Variants in FAAH2 observed in about 807,000 individuals in gnomAD.
FAAH2 encodes fatty-acid amide hydrolase 2.
A neutral mutation model predicts 36.9 loss-of-function variants in FAAH2; 60 were observed. The ratio of observed to expected loss-of-function variants is 1.63; its 90% CI spans 1.32 to 2.02. FAAH2 has a LOEUF of 2.02. FAAH2 is among the 30% of genes most tolerant of loss of function. The pLI is 0.00. For synonymous variants in FAAH2, 214 were observed against 143.8 expected (o/e 1.49, Z -3.49); for missense variants, 689 against 397.5 (o/e 1.73, Z -6.23).
the FAAH2 span, among the ~76,000 whole-genome samples, chrX:57,138,933 T>C: frequency 8.9e-6 from 1 of 112,327 alleles, no homozygotes; most frequent in Non-Finnish European, 1.9e-5. Context: ...TATTGAGTTG[T>C]TGGAATTTCT....
At chrX:57,423,187 C>T (rs749727505) in intron 7 of FAAH2, among the ~76,000 whole-genome samples, 5 of 112,072 alleles carry the variant, frequency 4.5e-5, no homozygotes, top group Non-Finnish European at 9.4e-5. Context: ...ATTTCTAATC[C>T]TAACTCATAG....
chrX:57,462,213 G>C (rs972822729), intron 10 of FAAH2, among the ~76,000 whole-genome samples: 2 of 105,240 alleles, frequency 1.9e-5, no homozygotes, highest in African/African-American at 6.9e-5. Context: ...ATTCACATGA[G>C]GATTCTACCA....
intron 10 of FAAH2, among the ~76,000 whole-genome samples, chrX:57,465,064 A>G (rs975081703): frequency 4.5e-5 from 5 of 111,843 alleles, no homozygotes; most frequent in African/African-American, 1.6e-4. Flanking sequence ...TTGAAAGAAA[A>G]AGCAAATAGA....
chrX:57,472,573 G>C (rs1199710972), intron 10 of FAAH2, among the ~76,000 whole-genome samples: 1 of 111,435 alleles, frequency 9.0e-6, no homozygotes, highest in Non-Finnish European at 1.9e-5. Flanking sequence ...CTGTACATCT[G>C]GCAAAACCTG....
chrX:57,142,923 T>A, the FAAH2 span, among the ~76,000 whole-genome samples: 1 of 111,789 alleles, frequency 8.9e-6, no homozygotes, highest in Non-Finnish European at 1.9e-5. Context: ...AGTATAGTTA[T>A]TCCTGCTCTA....
At position 57,286,845 on chromosome X, in the gene FAAH2, C is replaced by T. The variant is rs762954694; in HGVS notation, c.20C>T (p.Ala7Val). 2 of 1,183,127 alleles carry T rather than the reference C, an allele frequency of 1.7e-6. No homozygotes were observed. The highest frequency in any genetic ancestry group is 2.3e-6 in the Non-Finnish European group (2 of 880,026). ...GCTGCGATGGCACCTTCATTTACCG[C>T]CCGCATTCAGTTGTTCCTCTTGCGG... is the stretch of plus-strand genomic sequence containing the variant. MAPSFTARIQLFLLRAL... is the reference protein window; with the variant it reads MAPSFTVRIQLFLLRAL... Residue 7 changes from alanine (A) to valine (V), a missense_variant, in exon 1 of 11, where the codon GCC becomes GTC. Coordinates refer to ENST00000374900, the MANE Select transcript of FAAH2 (RefSeq NM_174912.4).
the FAAH2 span, among the ~76,000 whole-genome samples, chrX:57,178,034 G>A: frequency 9.0e-6 from 1 of 111,420 alleles, no homozygotes; most frequent in African/African-American, 3.3e-5. Flanking sequence ...ACCCAGTGGG[G>A]CTGCCACACT....
chrX:57,308,610 T>C (rs1402175684), intron 2 of FAAH2, among the ~76,000 whole-genome samples: 4 of 111,968 alleles, frequency 3.6e-5, no homozygotes, highest in Non-Finnish European at 7.5e-5. Flanking sequence ...AGTGTCAGGA[T>C]TAACTGACTG....
chrX:57,488,662 A>G, intron 10 of FAAH2, 95 bp from the exon 11 acceptor site: 1 of 839,486 alleles, frequency 1.2e-6, no homozygotes, highest in Non-Finnish European at 1.7e-6. Flanking sequence ...TTATAATTAT[A>G]TATTTTCACC....
intron 10 of FAAH2, among the ~76,000 whole-genome samples, chrX:57,470,119 T>C (rs1373789709): frequency 9.0e-6 from 1 of 111,620 alleles, no homozygotes; most frequent in Non-Finnish European, 1.9e-5. Flanking sequence ...GGGAAATTTA[T>C]AGCACTAAAT....
the FAAH2 span, among the ~76,000 whole-genome samples, chrX:57,162,423 G>A: frequency 9.0e-6 from 1 of 111,599 alleles, no homozygotes; most frequent in Non-Finnish European, 1.9e-5. Flanking sequence ...GCTAGATTGG[G>A]GAAGTTCTCC....
chrX:57,421,749 A>G (rs186118329), intron 7 of FAAH2, among the ~76,000 whole-genome samples: 53 of 112,123 alleles, frequency 4.7e-4, no homozygotes, highest in African/African-American at 1.6e-3. Context: ...AAATGTGGTA[A>G]TAGTGAATTT....
At chrX:57,440,558 T>G (rs1169580490) in intron 8 of FAAH2, among the ~76,000 whole-genome samples, 1 of 111,563 alleles carries the variant, frequency 9.0e-6, no homozygotes, top group Admixed American at 9.6e-5. Flanking sequence ...CAGGGACAAT[T>G]TGACTTCCTC....
chrX:57,265,545 G>T, the FAAH2 span, among the ~76,000 whole-genome samples: 1 of 111,589 alleles, frequency 9.0e-6, no homozygotes, highest in African/African-American at 3.3e-5. Context: ...AGATCCCCCA[G>T]CACAGCACAG....
chrX:57,149,594 G>A, the FAAH2 span, among the ~76,000 whole-genome samples: 60 of 111,160 alleles, frequency 5.4e-4, 1 homozygote, highest in African/African-American at 1.6e-3. Context: ...CTGTGGGATC[G>A]GTGGTGATAT....
the FAAH2 span, among the ~76,000 whole-genome samples, chrX:57,131,403 C>T: frequency 8.9e-6 from 1 of 111,821 alleles, no homozygotes; most frequent in Non-Finnish European, 1.9e-5. Flanking sequence ...TTCTTTTGGA[C>T]AGAATAGGCA....
At chrX:57,296,408 A>G (rs1384229764) in intron 2 of FAAH2, among the ~76,000 whole-genome samples, 1 of 112,052 alleles carries the variant, frequency 8.9e-6, no homozygotes, top group Admixed American at 9.5e-5. Flanking sequence ...GTTACAAGGA[A>G]AACTAACAAA....
chrX:57,459,386 G>A (rs767420855), intron 10 of FAAH2, among the ~76,000 whole-genome samples: 1 of 112,321 alleles, frequency 8.9e-6, no homozygotes, highest in Non-Finnish European at 1.9e-5. Context: ...GGGGGAAAGG[G>A]TGGCTGTGGG....
chrX:57,458,212 A>T (rs750402008), intron 10 of FAAH2, among the ~76,000 whole-genome samples: 1 of 112,396 alleles, frequency 8.9e-6, no homozygotes, highest in South Asian at 3.7e-4. Context: ...CTCTCTATTC[A>T]ATAAATGGTA....
Sources: allele counts gnomAD v4.1 joint callset (sites outside exome capture counted in the v4.1 genomes callset), GRCh38; gene constraint gnomAD v4.1.1; transcripts MANE v1.5; gene names NCBI Gene and HGNC (gene_info 2026-07-23, HGNC 2026-07-21).